The following DHX35 variants were observed in gnomAD, a reference collection of about 807,000 sequenced individuals.
The protein encoded by DHX35 is probable ATP-dependent RNA helicase DHX35.
DHX35 carries 84 observed loss-of-function variants against 99.6 expected under a neutral mutation model. The ratio of observed to expected loss-of-function variants is 0.84; its 90% CI spans 0.71 to 1.01. The LOEUF (loss-of-function observed/expected upper bound fraction) is 1.01. Among genes scored for constraint, DHX35 ranks in the 50% least tolerant of loss-of-function variants. The pLI, the probability that DHX35 is intolerant of heterozygous loss-of-function variation, is 0.00. For missense variants in DHX35, 852 were observed against 888.5 expected, an observed-to-expected ratio of 0.96 and a Z score of 0.52; for synonymous variants, 331 against 316.2, an observed-to-expected ratio of 1.05 and a Z score of -0.50.
At chr20:38,978,603 A>T (rs1184240230) in intron 3 of DHX35, among the ~76,000 whole-genome samples, 1 of 152,196 alleles carries the variant, frequency 6.6e-6, no homozygotes, top group Non-Finnish European at 1.5e-5. Flanking sequence ...TCTTTATCAG[A>T]TAATAGTTTG....
At chr20:38,986,293 T>G (rs1459611581) in intron 4 of DHX35, among the ~76,000 whole-genome samples, 1 of 151,824 alleles carries the variant, frequency 6.6e-6, no homozygotes, top group Non-Finnish European at 1.5e-5. Context: ...AGAACTAAAG[T>G]GATAGAGATA....
intron 21 of DHX35, among the ~76,000 whole-genome samples, chr20:39,035,759 G>GTGACCC (rs1359209311): frequency 6.6e-5 from 10 of 152,194 alleles, no homozygotes; most frequent in African/African-American, 2.4e-4. Context: ...ATTTGAATTT[G>GTGACCC]TGACCCTGTA....
intron 21 of DHX35, among the ~76,000 whole-genome samples, chr20:39,036,753 GAAAT>G (rs1457812780): frequency 1.3e-5 from 1 of 79,500 alleles, no homozygotes; most frequent in Non-Finnish European, 2.7e-5. Flanking sequence ...AAAAAAAAAA[GAAAT>G]CACCTAATAC....
At chr20:38,967,008 A>G (rs2085921477) in intron 1 of DHX35, among the ~76,000 whole-genome samples, 1 of 152,168 alleles carries the variant, frequency 6.6e-6, no homozygotes. Context: ...AAGCAACATG[A>G]CAGTGCCCCA....
chr20:38,962,477 C>G, intron 1 of DHX35, 70 bp downstream of exon 1: 1 of 1,567,328 alleles, frequency 6.4e-7, no homozygotes, highest in Non-Finnish European at 8.6e-7. Flanking sequence ...CGGCCGGCGC[C>G]CTGGGGCCAG....
chr20:38,968,168 G>T (rs2085937510), intron 1 of DHX35, among the ~76,000 whole-genome samples: 1 of 152,150 alleles, frequency 6.6e-6, no homozygotes, highest in Admixed American at 6.5e-5. Flanking sequence ...CATCCTTGCT[G>T]GTCCTTGCTG....
At chr20:38,975,488 T>TA in intron 3 of DHX35, among the ~76,000 whole-genome samples, 1 of 152,320 alleles carries the variant, frequency 6.6e-6, no homozygotes, top group South Asian at 2.1e-4. Context: ...ATGAAGCAAA[T>TA]ACCATTATTA....
intron 1 of DHX35, 123 bp from the exon 2 acceptor site, chr20:38,968,958 G>T: frequency 8.7e-7 from 1 of 1,153,534 alleles, no homozygotes; most frequent in Non-Finnish European, 1.2e-6. Flanking sequence ...GAATACCTTT[G>T]AGTAGTTTGA....
intron 12 of DHX35, among the ~76,000 whole-genome samples, chr20:39,006,844 C>G (rs2086627113): frequency 6.6e-6 from 1 of 152,206 alleles, no homozygotes; most frequent in Non-Finnish European, 1.5e-5. Flanking sequence ...GTGAGCTCCT[C>G]CTCTGTGCTG....
At chr20:39,021,741 C>A in intron 15 of DHX35, 100 bp from the exon 16 acceptor site, 1 of 1,163,984 alleles carries the variant, frequency 8.6e-7, no homozygotes, top group Non-Finnish European at 1.3e-6. Context: ...AAAATATGAT[C>A]TTAGTCTTCA....
At chr20:38,994,706 C>T (rs1404257188) in intron 7 of DHX35, 115 bp from the exon 8 acceptor site, 2 of 575,466 alleles carry the variant, frequency 3.5e-6, no homozygotes, top group Non-Finnish European at 5.4e-6. Flanking sequence ...ACCTCCTCCT[C>T]AGGCAAAAAA....
At chr20:38,977,261 C>T (rs1244809924) in intron 3 of DHX35, among the ~76,000 whole-genome samples, 1 of 152,020 alleles carries the variant, frequency 6.6e-6, no homozygotes, top group Non-Finnish European at 1.5e-5. Context: ...CATTTGCTGT[C>T]GTTCATCTTT....
intron 1 of DHX35, among the ~76,000 whole-genome samples, chr20:38,963,191 C>T (rs2085861437): frequency 6.6e-6 from 1 of 152,096 alleles, no homozygotes; most frequent in Admixed American, 6.5e-5. Context: ...TATGCCAGAC[C>T]GTACTAGATG....
rs189185058 is a variant in DHX35, at chr20:39,028,324, G to A, written c.1802-94G>A. 6.7e-4 allele frequency: 834 copies of A among 1,241,930 alleles called. 7 individuals carry two copies. In the African/African-American group the frequency reaches 0.011, roughly 17 times the overall value. 76.9% of individuals were successfully genotyped at this position (1,241,930 alleles called of 1,614,324 possible). ...GTTTCCAGGTGTCTTGAAGCAGCCT[G>A]GGGTGGTGCTGGGAGTGGATCCTGT... On this transcript the variant is annotated intron_variant, in intron 18 of 21. Coordinates refer to ENST00000252011, the MANE Select transcript of DHX35 (RefSeq NM_021931.4).
intron 2 of DHX35, among the ~76,000 whole-genome samples, chr20:38,971,744 C>T (rs1261060496): frequency 6.6e-6 from 1 of 152,122 alleles, no homozygotes; most frequent in East Asian, 1.9e-4. Flanking sequence ...CTACATCTCA[C>T]TTCCTTTTCT....
Position 39,002,308 on chromosome 20 carries a change from G to A in DHX35, c.756-464G>A, listed in dbSNP as rs117387130. 9.0e-3 allele frequency among the ~76,000 whole-genome samples: 1,364 copies of A among 152,342 alleles called. 9 individuals carry two copies. The highest frequency in any genetic ancestry group is 0.024 in the Middle Eastern group (7 of 294). On this transcript the variant is annotated intron_variant, in intron 9 of 21. Transcript: ENST00000252011. The stretch of plus-strand genomic sequence containing the variant: ...GTCACTGGACAAAAAAAGACCAGGA[G>A]CCTGTTCCAGTGGCTGATAAATCCA...
At chr20:39,037,778 T>G (rs1363154117) in intron 21 of DHX35, among the ~76,000 whole-genome samples, 1 of 152,220 alleles carries the variant, frequency 6.6e-6, no homozygotes, top group African/African-American at 2.4e-5. Flanking sequence ...ACACTCTGCC[T>G]CAAAGGCATA....
intron 21 of DHX35, 98 bp downstream of exon 21, chr20:39,034,415 TC>T: frequency 9.9e-7 from 1 of 1,005,328 alleles, no homozygotes; most frequent in South Asian, 1.4e-5. Flanking sequence ...CTATGTGTGT[TC>T]CCCCTAGGGG....
rs369537088 is a variant in DHX35, at chr20:38,967,113, A to C, written c.41-1968A>C. ...TCAGAGATCTAAAGCAGTGATTCTA[A>C]ACTTAGCTCTAGGGGGTCTACGGAC... On this transcript the variant is annotated intron_variant, in intron 1 of 21. Transcript: ENST00000252011. 9.3e-5 allele frequency among the ~76,000 whole-genome samples: 13 copies of C among 139,090 alleles called. No individual in the cohort carries two copies. In the East Asian group the frequency reaches 2.2e-3, roughly 23 times the overall value. 91.2% of individuals were successfully genotyped at this position (139,090 alleles called of 152,430 possible).
Sources: allele counts gnomAD v4.1 joint callset (sites outside exome capture counted in the v4.1 genomes callset), GRCh38; gene constraint gnomAD v4.1.1; transcripts MANE v1.5; gene names NCBI Gene and HGNC (gene_info 2026-07-23, HGNC 2026-07-21).